Variants in ACAP2 observed in about 807,000 individuals in gnomAD.
ACAP2 encodes arf-GAP with coiled-coil, ANK repeat and PH domain-containing protein 2.
A neutral mutation model predicts 115.8 loss-of-function variants in ACAP2; 39 were observed. The ratio of observed to expected loss-of-function variants is 0.34; its 90% CI spans 0.26 to 0.44. The LOEUF (loss-of-function observed/expected upper bound fraction) is 0.44, where lower values mean the gene tolerates loss of function less well. Ranked by LOEUF, ACAP2 falls within the 20% of genes least tolerant of loss-of-function variation. ACAP2 has a pLI of 1.00. For missense variants in ACAP2, 662 were observed against 927.6 expected (o/e 0.71, Z 3.72); for synonymous variants, 289 against 315.8 (o/e 0.92, Z 0.90).
chr3:195,365,342 T>C (rs1732644348), intron 4 of ACAP2, among the ~76,000 whole-genome samples: 2 of 152,170 alleles, frequency 1.3e-5, no homozygotes, highest in Admixed American at 6.6e-5. Flanking sequence ...ACTCTGATTA[T>C]TACACATTAT....
chr3:195,349,776 T>C (rs901578610), intron 4 of ACAP2: 3 of 304,008 alleles, frequency 9.9e-6, no homozygotes, highest in Admixed American at 3.9e-5. Context: ...TCAAGAAGCA[T>C]GGCCCTCAGG....
intron 4 of ACAP2, among the ~76,000 whole-genome samples, chr3:195,377,323 C>A (rs981044803): frequency 6.6e-6 from 1 of 151,452 alleles, no homozygotes; most frequent in African/African-American, 2.4e-5. Context: ...TTTTCTATTT[C>A]TTGTAGAGAC....
intron 2 of ACAP2, among the ~76,000 whole-genome samples, chr3:195,391,441 G>A (rs1734669831): frequency 6.6e-6 from 1 of 151,742 alleles, no homozygotes; most frequent in Non-Finnish European, 1.5e-5. Context: ...GGTCAGACTG[G>A]TCTCAAACTC....
intron 5 of ACAP2, 26 bp from the exon 6 acceptor site, chr3:195,342,680 C>T: frequency 1.3e-6 from 2 of 1,557,384 alleles, no homozygotes. Flanking sequence ...CTTAGTGAAA[C>T]TTTTATAACT....
At chr3:195,279,525 A>G (rs1577224027) in intron 22 of ACAP2, 97 bp from the exon 23 acceptor site, 1 of 725,104 alleles carries the variant, frequency 1.4e-6, no homozygotes, top group African/African-American at 1.9e-5. Context: ...AATTCATTAC[A>G]TTAAAATTTT....
At chr3:195,349,284 C>T (rs941664821) in intron 4 of ACAP2, among the ~76,000 whole-genome samples, 8 of 152,048 alleles carry the variant, frequency 5.3e-5, no homozygotes, top group Non-Finnish European at 2.9e-5. Context: ...GAGTTTGAGA[C>T]CAGCCTGACC....
At chr3:195,412,983 C>T in intron 1 of ACAP2, 1 of 426,196 alleles carries the variant, frequency 2.3e-6, no homozygotes, top group Non-Finnish European at 4.7e-6. Flanking sequence ...ATTACAAGTG[C>T]TTTTAAGAAA....
chr3:195,315,124 T>A (rs534059654), intron 10 of ACAP2, among the ~76,000 whole-genome samples: 17 of 152,338 alleles, frequency 1.1e-4, no homozygotes, highest in African/African-American at 3.6e-4. Flanking sequence ...CAAGCGGTCT[T>A]CCCGCCTCAG....
chr3:195,316,556 TC>T (rs2109016170), intron 10 of ACAP2, among the ~76,000 whole-genome samples: 1 of 151,896 alleles, frequency 6.6e-6, no homozygotes, highest in East Asian at 2.0e-4. Context: ...CGCCACCACG[TC>T]CAGCTAATTT....
chr3:195,292,205 T>C, intron 19 of ACAP2, 60 bp downstream of exon 19: 1 of 1,495,624 alleles, frequency 6.7e-7, no homozygotes, highest in Non-Finnish European at 8.9e-7. Flanking sequence ...GTTCAGAACA[T>C]ATTATGATTT....
At chr3:195,440,149 C>T (rs149653434) in intron 1 of ACAP2, among the ~76,000 whole-genome samples, 1,954 of 151,804 alleles carry the variant, frequency 0.013, 32 homozygotes, top group African/African-American at 0.043. Flanking sequence ...TTTAGATGAA[C>T]AAGATTTTGA....
At chr3:195,330,052 T>G (rs768573285) in intron 8 of ACAP2, among the ~76,000 whole-genome samples, 1 of 152,068 alleles carries the variant, frequency 6.6e-6, no homozygotes, top group Non-Finnish European at 1.5e-5. Flanking sequence ...TCACCCCCCA[T>G]CAACTCACCC....
At chr3:195,360,984 CAAAA>C (rs34043043) in intron 4 of ACAP2, among the ~76,000 whole-genome samples, 51 of 98,134 alleles carry the variant, frequency 5.2e-4, no homozygotes, top group East Asian at 3.6e-3. Flanking sequence ...GTAAGAAACT[CAAAA>C]AAAAAAAAAA....
At chr3:195,362,876 C>T (rs970872660) in intron 4 of ACAP2, among the ~76,000 whole-genome samples, 1 of 152,150 alleles carries the variant, frequency 6.6e-6, no homozygotes, top group Admixed American at 6.6e-5. Context: ...AAACTGAAAG[C>T]CTTTTCTCTA....
Position 195,295,776 on chromosome 3 carries a change from T to C in ACAP2, c.1604A>G (p.Glu535Gly), listed in dbSNP as rs1332570105. 4 of 1,614,118 alleles carry C rather than the reference T, an allele frequency of 2.5e-6. No homozygotes were observed. In the Admixed American group the frequency reaches 5.0e-5, roughly 20 times the overall value. ...TTTAGAAATGCTCAGCCTCTTTTCT[T>C]CAGAACTTTTAGAGACAAACTTTTT... The part of the protein sequence containing the change: ...QQKKFVSKSS[E>G]EKRLSISKFG... The change falls in exon 17 of 23, where the codon GAA becomes GGA. Residue 535 changes from glutamate (E) to glycine (G), a missense_variant. Physicochemically the swap from Glu to Gly is moderately conservative, Grantham distance 98. This residue lies in a region of ACAP2 where 133 missense variants were observed against 123.1 expected (regional missense o/e 1.08). Coordinates refer to ENST00000326793, the MANE Select transcript of ACAP2 (RefSeq NM_012287.6).
rs1553862131 is a variant in ACAP2 at position 195,378,089 on chromosome 3, A to AGGAGGAGGAAGGGAGGAAGC, written c.285+2919_285+2920insGCTTCCTCCCTTCCTCCTCC. ...GAGGGAGGGAGGAAGGGAGGAAGGG[A>AGGAGGAGGAAGGGAGGAAGC]GGAGGAGGAAGGGAGGAAGGAAGGA... On this transcript the variant is annotated intron_variant, in intron 4 of 22. Coordinates refer to ENST00000326793, the MANE Select transcript of ACAP2 (RefSeq NM_012287.6). Among the ~76,000 whole-genome samples, 817 of 149,056 alleles carry AGGAGGAGGAAGGGAGGAAGC rather than the reference A, an allele frequency of 5.5e-3. 7 individuals are homozygous for AGGAGGAGGAAGGGAGGAAGC. Among genetic ancestry groups the AGGAGGAGGAAGGGAGGAAGC allele is most frequent in the African/African-American group, 0.02 (779 of 39,032 alleles).
intron 22 of ACAP2, chr3:195,282,474 G>T (rs1726568181): frequency 1.3e-5 from 2 of 152,182 alleles, no homozygotes; most frequent in Non-Finnish European, 2.9e-5. Context: ...CTCAAAATGT[G>T]TTGTCAAAAG....
intron 10 of ACAP2, 71 bp downstream of exon 10, chr3:195,320,630 T>G: frequency 9.1e-7 from 1 of 1,104,632 alleles, no homozygotes; most frequent in Non-Finnish European, 1.4e-6. Flanking sequence ...AGGAGAGAGT[T>G]GTCAAATCAC....
At position 195,306,563 on chromosome 3, in the gene ACAP2, G is replaced by T; in HGVS notation, c.1064C>A (p.Ala355Asp). 6.2e-7 allele frequency: 1 copy of T among 1,613,342 alleles called. No homozygotes were observed. Residue 355 changes from alanine (A) to aspartate (D), a missense_variant, in exon 13 of 23, where the codon GCT becomes GAT. Ala to Asp is a moderately radical substitution (Grantham distance 126). Transcript: ENST00000326793. ...AGCAGTAGCAATACTGGTCTGAACA[G>T]CCTTAATCCATGCCTGGCGCAGCTT... ...SEKLRQAWIK[A>D]VQTSIATAYR...
Sources: allele counts gnomAD v4.1 joint callset (sites outside exome capture counted in the v4.1 genomes callset), GRCh38; gene constraint gnomAD v4.1.1; regional missense constraint gnomAD v4.1.1; transcripts MANE v1.5; gene names NCBI Gene and HGNC (gene_info 2026-07-23, HGNC 2026-07-21).